Variants in USP34 observed in about 807,000 individuals in gnomAD.
USP34 encodes ubiquitin specific peptidase 34, also known as ubiquitin carboxyl-terminal hydrolase 34.
A neutral mutation model predicts 460.3 loss-of-function variants in USP34; 70 were observed. The ratio of observed to expected loss-of-function variants is 0.15; its 90% CI spans 0.13 to 0.19. USP34 has a LOEUF of 0.19. Ranked by LOEUF, USP34 falls within the 10% of genes least tolerant of loss-of-function variation. The pLI, the probability that USP34 is intolerant of heterozygous loss-of-function variation, is 1.00. For missense variants in USP34, 3,985 were observed against 4,236.2 expected, an observed-to-expected ratio of 0.94 and a Z score of 1.65; for synonymous variants, 1,647 against 1,405.3, an observed-to-expected ratio of 1.17 and a Z score of -3.85.
chr2:61,320,752 G>A lies in USP34; in HGVS notation c.3014-1425C>T, dbSNP rs187877109. Among the ~76,000 whole-genome samples the A allele has an allele frequency of 8.7e-4, 132 of 152,278 alleles. 1 individual carries two copies. Among genetic ancestry groups the A allele is most frequent in the Non-Finnish European group, 1.6e-3 (108 of 68,008 alleles). ...AGGCTGGGCGTGGTGGCTCACGCCT[G>A]TAATCCCAGCCCTTCGGGAGGACGA... On this transcript the variant is annotated intron_variant, in intron 21 of 79. Coordinates refer to ENST00000398571, the MANE Select transcript of USP34 (RefSeq NM_014709.4).
intron 1 of USP34, among the ~76,000 whole-genome samples, chr2:61,458,724 C>T (rs1470733694): frequency 6.6e-6 from 1 of 151,798 alleles, no homozygotes; most frequent in Non-Finnish European, 1.5e-5. Flanking sequence ...TTTCACTCCT[C>T]TCATTCCCAG....
At chr2:61,315,122 T>C (rs533555406) in intron 23 of USP34, 148 bp from the exon 24 acceptor site, 72 of 570,228 alleles carry the variant, frequency 1.3e-4, no homozygotes, top group South Asian at 8.2e-4. Context: ...ATTTCCTCAA[T>C]TGATGAAATA....
At chr2:61,407,229 T>C (rs949126259) in intron 2 of USP34, among the ~76,000 whole-genome samples, 1 of 151,962 alleles carries the variant, frequency 6.6e-6, no homozygotes, top group Non-Finnish European at 1.5e-5. Flanking sequence ...TACAAAAACA[T>C]AAAAATTAAA....
At chr2:61,281,987 G>A (rs529997150) in intron 37 of USP34, among the ~76,000 whole-genome samples, 2 of 152,144 alleles carry the variant, frequency 1.3e-5, no homozygotes, top group South Asian at 4.1e-4. Flanking sequence ...AACTAATTTT[G>A]TTTTGTTTTG....
chr2:61,437,015 G>A (rs180965331), intron 1 of USP34, among the ~76,000 whole-genome samples: 8 of 152,254 alleles, frequency 5.3e-5, no homozygotes, highest in African/African-American at 1.2e-4. Context: ...AATACAACAC[G>A]TCAAAGCCTG....
chr2:61,211,101 G>C (rs1370381763), intron 69 of USP34, among the ~76,000 whole-genome samples: 1 of 152,014 alleles, frequency 6.6e-6, no homozygotes, highest in Non-Finnish European at 1.5e-5. Context: ...TTCCAAAGAA[G>C]ACAATCTGAA....
At chr2:61,226,956 CA>C (rs1687746410) in intron 62 of USP34, 110 bp downstream of exon 62, 2 of 1,197,256 alleles carry the variant, frequency 1.7e-6, no homozygotes, top group African/African-American at 3.1e-5. Context: ...ATAACAATTA[CA>C]TAATTAAACA....
At chr2:61,226,113 C>T (rs1687718879) in intron 62 of USP34, among the ~76,000 whole-genome samples, 1 of 152,134 alleles carries the variant, frequency 6.6e-6, no homozygotes, top group Non-Finnish European at 1.5e-5. Flanking sequence ...AGGCGTGTGC[C>T]ACCACACCTG....
chr2:61,308,235 G>A (rs1233367066), intron 27 of USP34, among the ~76,000 whole-genome samples: 9 of 151,984 alleles, frequency 5.9e-5, no homozygotes, highest in African/African-American at 1.9e-4. Flanking sequence ...ACACTAAAAT[G>A]TAGACACCAA....
intron 2 of USP34, among the ~76,000 whole-genome samples, chr2:61,406,644 C>G (rs1482263653): frequency 2.0e-5 from 3 of 151,208 alleles, no homozygotes; most frequent in Non-Finnish European, 4.4e-5. Context: ...CACACACACT[C>G]TCTCTTTCTC....
chr2:61,268,316 T>G (rs1334128574), intron 41 of USP34, among the ~76,000 whole-genome samples: 1 of 151,500 alleles, frequency 6.6e-6, no homozygotes, highest in Non-Finnish European at 1.5e-5. Context: ...TGCTCCCCAA[T>G]GTTGGAGGTG....
chr2:61,299,720 G>A (rs1204791410), intron 29 of USP34, among the ~76,000 whole-genome samples: 3 of 152,050 alleles, frequency 2.0e-5, no homozygotes, highest in Non-Finnish European at 4.4e-5. Flanking sequence ...CCACTGCACT[G>A]CAGCCTGGGT....
intron 1 of USP34, among the ~76,000 whole-genome samples, chr2:61,439,170 G>A (rs1490149153): frequency 6.6e-6 from 1 of 152,178 alleles, no homozygotes; most frequent in Non-Finnish European, 1.5e-5. Flanking sequence ...CCAACACTTT[G>A]GGAGGCTGAG....
intron 64 of USP34, 116 bp downstream of exon 64, chr2:61,222,944 G>A (rs749873569): frequency 5.6e-5 from 51 of 915,730 alleles, no homozygotes; most frequent in East Asian, 7.9e-5. Flanking sequence ...CGATCCTCCC[G>A]CCTTGGCCTC....
chr2:61,295,840 A>C (rs1252612923), intron 30 of USP34, among the ~76,000 whole-genome samples: 1 of 152,254 alleles, frequency 6.6e-6, no homozygotes, highest in Non-Finnish European at 1.5e-5. Flanking sequence ...TGGCTCTCCC[A>C]AAATCACATG....
At position 61,399,770 on chromosome 2, in the gene USP34, C is replaced by T. The variant is rs529971778; in HGVS notation, c.553-4537G>A. ...CGCCTGTAATCCCAACTACTCGGGA[C>T]GCTGAGGCCGGTGAATCGCTTGAAC... On this transcript the variant is annotated intron_variant, in intron 3 of 79. Coordinates refer to ENST00000398571, the MANE Select transcript of USP34 (RefSeq NM_014709.4). 7.4e-5 allele frequency among the ~76,000 whole-genome samples: 11 copies of T among 148,370 alleles called. No homozygotes were observed. The South Asian group carries it at 1.9e-3, about 26-fold the overall frequency.
chr2:61,455,571 A>T (rs1695413744), intron 1 of USP34, among the ~76,000 whole-genome samples: 1 of 152,098 alleles, frequency 6.6e-6, no homozygotes, highest in Non-Finnish European at 1.5e-5. Flanking sequence ...CTGGAAGTTC[A>T]AGACCAGCCC....
intron 44 of USP34, among the ~76,000 whole-genome samples, chr2:61,258,069 A>G (rs1419785196): frequency 1.3e-5 from 2 of 152,084 alleles, no homozygotes; most frequent in African/African-American, 4.8e-5. Context: ...AAAGGAGATT[A>G]AAGGCCAGGT....
chr2:61,379,034 CAA>C (rs1366368367), intron 7 of USP34, among the ~76,000 whole-genome samples: 6 of 149,360 alleles, frequency 4.0e-5, no homozygotes, highest in Non-Finnish European at 4.4e-5. Context: ...CAATTTAACG[CAA>C]GAGAGCAAGT....
Sources: allele counts gnomAD v4.1 joint callset (sites outside exome capture counted in the v4.1 genomes callset), GRCh38; gene constraint gnomAD v4.1.1; transcripts MANE v1.5; gene names NCBI Gene and HGNC (gene_info 2026-07-23, HGNC 2026-07-21).